BCAS3: variants seen among roughly 807,000 people sequenced by gnomAD.
BCAS3 encodes the protein BCAS4/BCAS3 fusion.
A neutral mutation model predicts 116.1 loss-of-function variants in BCAS3; 53 were observed. The observed-to-expected ratio is 0.46, with a 90% CI of 0.37 to 0.57. The LOEUF is 0.57. BCAS3 is among the 20% of genes least tolerant of loss of function. The probability of loss-of-function intolerance (pLI) is 0.00; values close to 1 mark genes in which losing one functional copy is unlikely to be tolerated. For missense variants in BCAS3, 917 were observed against 1,165.4 expected (o/e 0.79, Z 3.10); for synonymous variants, 391 against 408.2 (o/e 0.96, Z 0.51).
chr17:60,872,958 G>A (rs1412262795), intron 8 of BCAS3, among the ~76,000 whole-genome samples: 1 of 152,038 alleles, frequency 6.6e-6, no homozygotes, highest in East Asian at 1.9e-4. Flanking sequence ...GTGTGTAGAG[G>A]AATAGTACAG....
In BCAS3 at chr17:61,136,437, C is replaced by G. The variant is rs2143907803; in HGVS notation, c.2425+51873C>G. Among the ~76,000 whole-genome samples, 1 of 152,312 alleles carries G rather than the reference C, an allele frequency of 6.6e-6. No individual in the cohort carries two copies. Among genetic ancestry groups the G allele is most frequent in the South Asian group, 2.1e-4 (1 of 4,830 alleles). Reference sequence around the variant, plus strand: ...GGACTGGACAATTCTTTGTGTGCAGCTGTTTTATGCATCATATAGGATGTT... The same window carrying G: ...GGACTGGACAATTCTTTGTGTGCAGGTGTTTTATGCATCATATAGGATGTT... On this transcript the variant is annotated intron_variant, in intron 22 of 23. Transcript: ENST00000407086. The surrounding 1 kb of genome is among the most constrained non-coding windows in gnomAD (Gnocchi z 4.4).
intron 22 of BCAS3, among the ~76,000 whole-genome samples, chr17:61,085,809 A>T (rs544042462): frequency 6.6e-6 from 1 of 152,332 alleles, no homozygotes; most frequent in East Asian, 1.9e-4. Flanking sequence ...TTATAGTCAC[A>T]TTCTGAGAAT....
chr17:60,927,827 C>A (rs2059441895), intron 13 of BCAS3, among the ~76,000 whole-genome samples: 1 of 151,928 alleles, frequency 6.6e-6, no homozygotes, highest in African/African-American at 2.4e-5. Context: ...CTAAATATTG[C>A]TTATGCTTCA....
At chr17:61,212,905 A>G (rs1242223966) in intron 22 of BCAS3, among the ~76,000 whole-genome samples, 2 of 152,206 alleles carry the variant, frequency 1.3e-5, no homozygotes. Flanking sequence ...GCCTGTATCT[A>G]TATGAGTCCC....
intron 22 of BCAS3, among the ~76,000 whole-genome samples, chr17:61,334,903 C>T (rs2056600181): frequency 1.3e-5 from 2 of 152,168 alleles, no homozygotes; most frequent in Non-Finnish European, 1.5e-5. Context: ...GGCTGAGAGA[C>T]CTTTACTGCA....
chr17:61,176,917 G>A (rs2144148802), intron 22 of BCAS3, among the ~76,000 whole-genome samples: 1 of 152,200 alleles, frequency 6.6e-6, no homozygotes, highest in East Asian at 1.9e-4. Context: ...CACCAAAGAA[G>A]ATCTATAGAT....
intron 14 of BCAS3, among the ~76,000 whole-genome samples, chr17:60,976,038 T>TTTTTTTTTTTTTTTTTTC (rs1355308298): frequency 7.2e-6 from 1 of 138,040 alleles, no homozygotes; most frequent in African/African-American, 2.8e-5. Context: ...TTTTTTTTTT[T>TTTTTTTTTTTTTTTTTTC]TTCTTTTTGA....
intron 16 of BCAS3, chr17:61,027,278 G>T (rs913163693): frequency 2.3e-6 from 1 of 427,546 alleles, no homozygotes. Flanking sequence ...TTGAGGACAT[G>T]ATTTATTTTG....
intron 7 of BCAS3, among the ~76,000 whole-genome samples, chr17:60,816,308 C>T (rs2049398517): frequency 7.3e-6 from 1 of 136,190 alleles, no homozygotes; most frequent in Admixed American, 7.5e-5. Context: ...CGGAGTCTTG[C>T]TCTGTCGCCA....
intron 22 of BCAS3, among the ~76,000 whole-genome samples, chr17:61,357,175 G>A (rs1386053546): frequency 1.3e-5 from 2 of 151,288 alleles, no homozygotes; most frequent in African/African-American, 2.4e-5. Context: ...GGAGGCCAAG[G>A]CAGGAGCATC....
chr17:60,806,587 T>A (rs902842967), intron 6 of BCAS3, among the ~76,000 whole-genome samples: 1 of 151,808 alleles, frequency 6.6e-6, no homozygotes, highest in Non-Finnish European at 1.5e-5. Flanking sequence ...ATTCTTGCTC[T>A]GTCATCCAGG....
chr17:60,912,436 A>G, intron 12 of BCAS3, among the ~76,000 whole-genome samples: 1 of 152,124 alleles, frequency 6.6e-6, no homozygotes, highest in East Asian at 1.9e-4. Flanking sequence ...GCTAGTTCCT[A>G]TAGTAAGATT....
intron 16 of BCAS3, 103 bp downstream of exon 16, chr17:61,016,004 A>C: frequency 8.0e-7 from 1 of 1,247,118 alleles, no homozygotes; most frequent in Non-Finnish European, 1.1e-6. Context: ...TATGTTCTTC[A>C]TTTCCAGCTC....
intron 10 of BCAS3, among the ~76,000 whole-genome samples, chr17:60,898,193 A>G (rs1340976851): frequency 6.6e-6 from 1 of 152,114 alleles, no homozygotes; most frequent in Non-Finnish European, 1.5e-5. Flanking sequence ...AGTCCTATAA[A>G]TGGGCTCTCA....
intron 4 of BCAS3, among the ~76,000 whole-genome samples, chr17:60,701,888 C>T (rs1216023983): frequency 1.3e-5 from 2 of 148,936 alleles, no homozygotes; most frequent in Admixed American, 6.6e-5. Flanking sequence ...GCAGGAGATG[C>T]GCTAGAGCCC....
chr17:61,079,202 T>G (rs2072315850), intron 21 of BCAS3, among the ~76,000 whole-genome samples: 1 of 152,156 alleles, frequency 6.6e-6, no homozygotes, highest in South Asian at 2.1e-4. Flanking sequence ...TAATGTAATA[T>G]AATCTCCCTT....
At chr17:60,950,705 A>G (rs928709746) in intron 14 of BCAS3, among the ~76,000 whole-genome samples, 11 of 152,244 alleles carry the variant, frequency 7.2e-5, no homozygotes, top group African/African-American at 2.7e-4. Context: ...ATATTCTAGC[A>G]AAACAAACAA....
intron 5 of BCAS3, among the ~76,000 whole-genome samples, chr17:60,736,078 C>T (rs1449662592): frequency 6.7e-6 from 1 of 149,056 alleles, no homozygotes; most frequent in Non-Finnish European, 1.5e-5. Context: ...CACTTCGTCA[C>T]CCAGGCTGGA....
intron 22 of BCAS3, among the ~76,000 whole-genome samples, chr17:61,089,358 G>A (rs1403848171): frequency 6.6e-6 from 1 of 151,792 alleles, no homozygotes; most frequent in Non-Finnish European, 1.5e-5. Flanking sequence ...GTGACAAGGA[G>A]GTTATTTGAG....
Sources: gnomAD v4.1 joint callset for allele counts (sites outside exome capture counted in the v4.1 genomes callset) on GRCh38, gnomAD v4.1.1 for gene constraint, Gnocchi (gnomAD v3.1) non-coding constraint, MANE v1.5 for transcripts, NCBI Gene and HGNC (gene_info 2026-07-23, HGNC 2026-07-21) for gene names.